Variants in GALNT17 observed in about 807,000 individuals in gnomAD.
The protein encoded by GALNT17 is polypeptide N-acetylgalactosaminyltransferase 17, also known as UDP-GalNAc:polypeptide N-acetylgalactosaminyltransferase-like 3.
A neutral mutation model predicts 63.7 loss-of-function variants in GALNT17; 29 were observed. The observed-to-expected ratio is 0.46, with a 90% CI of 0.34 to 0.62. The LOEUF is 0.62. Ranked by LOEUF, GALNT17 falls within the 20% of genes least tolerant of loss-of-function variation. GALNT17 has a pLI of 0.01. For missense variants in GALNT17, 603 were observed against 799.6 expected (o/e 0.75, Z 2.97); for synonymous variants, 305 against 318.3 (o/e 0.96, Z 0.45).
At chr7:71,410,115 A>G (rs932524163) in intron 3 of GALNT17, among the ~76,000 whole-genome samples, 4 of 152,252 alleles carry the variant, frequency 2.6e-5, no homozygotes, top group African/African-American at 4.8e-5. Flanking sequence ...ATCTTGTAAC[A>G]GGGTCTATTG....
chr7:71,356,774 T>G (rs1792294297), intron 2 of GALNT17, among the ~76,000 whole-genome samples: 1 of 152,146 alleles, frequency 6.6e-6, no homozygotes, highest in Non-Finnish European at 1.5e-5. Context: ...ATATAAATTC[T>G]GCAGTGAGCA....
intron 1 of GALNT17, among the ~76,000 whole-genome samples, chr7:71,224,814 C>T (rs1789651643): frequency 6.6e-6 from 1 of 152,012 alleles, no homozygotes; most frequent in South Asian, 2.1e-4. Flanking sequence ...AGAGGAGTTC[C>T]AAAGAATCAG....
intron 1 of GALNT17, among the ~76,000 whole-genome samples, chr7:71,232,361 T>C (rs1002242324): frequency 6.6e-6 from 1 of 151,972 alleles, no homozygotes; most frequent in African/African-American, 2.4e-5. Flanking sequence ...TCAGGGTCAG[T>C]GGGGGTGGTG....
At chr7:71,402,492 T>C (rs1325731708) in intron 3 of GALNT17, among the ~76,000 whole-genome samples, 1 of 152,232 alleles carries the variant, frequency 6.6e-6, no homozygotes, top group African/African-American at 2.4e-5. Flanking sequence ...TTTCACATTG[T>C]ACATATTTTG....
At chr7:71,602,265 T>C (rs537192699) in intron 6 of GALNT17, among the ~76,000 whole-genome samples, 2 of 152,334 alleles carry the variant, frequency 1.3e-5, no homozygotes, top group South Asian at 2.1e-4. Context: ...TTGACAAATA[T>C]TGCTCTCTTC....
chr7:71,514,879 C>T (rs1481152263), intron 5 of GALNT17, among the ~76,000 whole-genome samples: 11 of 152,156 alleles, frequency 7.2e-5, no homozygotes, highest in African/African-American at 2.2e-4. Flanking sequence ...GTAATTCCCA[C>T]GTGTTGTGGG....
chr7:71,386,114 C>T (rs1239147681), intron 2 of GALNT17, among the ~76,000 whole-genome samples: 1 of 152,148 alleles, frequency 6.6e-6, no homozygotes, highest in Non-Finnish European at 1.5e-5. Flanking sequence ...CTGTAATCTC[C>T]CTGGCAGCCC....
rs574603626 is a variant in GALNT17 at position 71,338,337 on chromosome 7, T to A, written c.422+2604T>A. The stretch of plus-strand genomic sequence containing the variant: ...GCGAGACTCCGTCTCAAAAAAAAAA[T>A]AAATAAATAAAAAATAAATAAATAT... On this transcript the variant is annotated intron_variant, in intron 2 of 10. Transcript: ENST00000333538. Among the ~76,000 whole-genome samples, 1,137 of 145,044 alleles carry A rather than the reference T, an allele frequency of 7.8e-3. 4 individuals are homozygous for A. The highest frequency in any genetic ancestry group is 9.9e-3 in the Admixed American group (138 of 13,878).
chr7:71,510,611 G>A (rs540579321), intron 5 of GALNT17, among the ~76,000 whole-genome samples: 41 of 152,314 alleles, frequency 2.7e-4, no homozygotes, highest in African/African-American at 9.6e-4. Flanking sequence ...TTCAGCAGGT[G>A]TAGGGAGACC....
At chr7:71,179,343 C>T (rs1201346008) in intron 1 of GALNT17, among the ~76,000 whole-genome samples, 2 of 152,200 alleles carry the variant, frequency 1.3e-5, no homozygotes, top group African/African-American at 4.8e-5. Context: ...GTTCATCTTA[C>T]ATATGTTGAT....
At chr7:71,138,205 G>A (rs929397439) in intron 1 of GALNT17, among the ~76,000 whole-genome samples, 6 of 152,166 alleles carry the variant, frequency 3.9e-5, no homozygotes, top group African/African-American at 1.4e-4. Context: ...GGGCATGGTG[G>A]TGCACACCTG....
intron 1 of GALNT17, among the ~76,000 whole-genome samples, chr7:71,192,528 C>T (rs112190213): frequency 0.027 from 4,047 of 151,768 alleles, 179 homozygotes; most frequent in African/African-American, 0.091. Context: ...CCCAAGTAGC[C>T]GGGATTACAA....
intron 1 of GALNT17, among the ~76,000 whole-genome samples, chr7:71,324,761 A>G (rs199528440): frequency 5.4e-4 from 11 of 20,226 alleles, no homozygotes; most frequent in Admixed American, 9.7e-4. Context: ...GCGTGCGTGT[A>G]TATATATATA....
chr7:71,660,409 T>C (rs1790890543), intron 6 of GALNT17, among the ~76,000 whole-genome samples: 1 of 152,220 alleles, frequency 6.6e-6, no homozygotes, highest in South Asian at 2.1e-4. Context: ...GGCACTTCCC[T>C]CTGCTCTTGG....
intron 6 of GALNT17, among the ~76,000 whole-genome samples, chr7:71,584,720 A>G (rs1208414153): frequency 6.6e-6 from 1 of 152,150 alleles, no homozygotes; most frequent in Non-Finnish European, 1.5e-5. Context: ...ATGTGTCTCT[A>G]AAGTATCTTT....
intron 2 of GALNT17, among the ~76,000 whole-genome samples, chr7:71,382,048 C>T (rs971955475): frequency 2.6e-5 from 4 of 152,084 alleles, no homozygotes; most frequent in African/African-American, 4.8e-5. Flanking sequence ...TTGGACTGGA[C>T]GAACTTGAAA....
chr7:71,349,644 A>G (rs1197162389), intron 2 of GALNT17, among the ~76,000 whole-genome samples: 2 of 147,276 alleles, frequency 1.4e-5, no homozygotes, highest in Admixed American at 6.8e-5. Context: ...TCAATTGAAT[A>G]AATAAATACG....
intron 2 of GALNT17, among the ~76,000 whole-genome samples, chr7:71,379,196 A>G (rs903955667): frequency 3.9e-5 from 6 of 152,086 alleles, no homozygotes; most frequent in Admixed American, 3.3e-4. Context: ...GGAGGAAGGT[A>G]GTGTTGGGCA....
intron 1 of GALNT17, among the ~76,000 whole-genome samples, chr7:71,295,652 T>G (rs1284213720): frequency 1.3e-5 from 2 of 151,806 alleles, no homozygotes; most frequent in Non-Finnish European, 2.9e-5. Flanking sequence ...CTGGTAGAGT[T>G]CCATAGAATG....
Sources: gnomAD v4.1 joint callset for allele counts (sites outside exome capture counted in the v4.1 genomes callset) on GRCh38, gnomAD v4.1.1 for gene constraint, MANE v1.5 for transcripts, NCBI Gene and HGNC (gene_info 2026-07-23, HGNC 2026-07-21) for gene names.